The following CA10 variants were observed in gnomAD, a reference collection of about 807,000 sequenced individuals.
CA10 encodes the protein carbonic anhydrase 10 (inactive).
In CA10, 14 loss-of-function variants were observed where a neutral mutation model predicts 44.2. The observed-to-expected ratio is 0.32, with a 90% confidence interval of 0.21 to 0.50. The LOEUF is 0.50. Ranked by LOEUF, CA10 falls within the 20% of genes least tolerant of loss-of-function variation. The pLI is 0.99. For missense variants in CA10, 350 were observed against 409.7 expected, an observed-to-expected ratio of 0.85 and a Z score of 1.26; for synonymous variants, 159 against 141.6, an observed-to-expected ratio of 1.12 and a Z score of -0.87.
chr17:51,673,917 G>A (rs745729249), intron 4 of CA10, among the ~76,000 whole-genome samples: 1 of 152,182 alleles, frequency 6.6e-6, no homozygotes, highest in Non-Finnish European at 1.5e-5. Flanking sequence ...GGACCTGACT[G>A]TTTGCACATC....
rs557161683 is a variant in CA10, at chr17:52,026,468, G to A, written c.136+45851C>T. ...ACAGAGGCAGATGATGGGAGAAAAC[G>A]TCCTAGAGCAGCGGTTCCCAACTGT... On this transcript the variant is annotated intron_variant, in intron 2 of 8. Transcript: ENST00000451037. Among the ~76,000 whole-genome samples, 49 of 152,198 alleles carry A rather than the reference G, an allele frequency of 3.2e-4. 1 individual carries two copies. The highest frequency in any genetic ancestry group is 7.2e-4 in the Admixed American group (11 of 15,278).
chr17:51,932,827 GACT>G (rs1448828394), intron 2 of CA10, among the ~76,000 whole-genome samples: 3 of 152,030 alleles, frequency 2.0e-5, no homozygotes, highest in Non-Finnish European at 4.4e-5. Flanking sequence ...GTCCTAGCAA[GACT>G]ACAATATTTA....
chr17:52,033,715 C>G (rs1184118020), intron 2 of CA10, among the ~76,000 whole-genome samples: 1 of 152,138 alleles, frequency 6.6e-6, no homozygotes, highest in Non-Finnish European at 1.5e-5. Flanking sequence ...GGAAATAGTA[C>G]TACAAACTGT....
intron 1 of CA10, among the ~76,000 whole-genome samples, chr17:52,114,622 C>A (rs77274457): frequency 0.039 from 6,013 of 152,272 alleles, 319 homozygotes; most frequent in African/African-American, 0.12. Flanking sequence ...ACTTAACATG[C>A]CAGCTATAGA....
intron 4 of CA10, among the ~76,000 whole-genome samples, chr17:51,677,456 C>A (rs930609177): frequency 3.3e-5 from 5 of 152,082 alleles, no homozygotes; most frequent in Non-Finnish European, 7.4e-5. Context: ...TCCTGAGGCC[C>A]CCCCAGAAGC....
intron 3 of CA10, among the ~76,000 whole-genome samples, chr17:51,754,981 GTATAT>G (rs898218897): frequency 1.3e-5 from 2 of 151,672 alleles, no homozygotes; most frequent in Non-Finnish European, 2.9e-5. Context: ...ATACACATAT[GTATAT>G]TATATATGAT....
At chr17:51,816,321 T>C (rs190843926) in intron 3 of CA10, among the ~76,000 whole-genome samples, 4 of 152,244 alleles carry the variant, frequency 2.6e-5, no homozygotes, top group Non-Finnish European at 5.9e-5. Context: ...CATCTGCTGA[T>C]GGACACTTAG....
chr17:52,025,399 G>A (rs976439482), intron 2 of CA10, among the ~76,000 whole-genome samples: 2 of 152,052 alleles, frequency 1.3e-5, no homozygotes, highest in Non-Finnish European at 2.9e-5. Flanking sequence ...AGTTTTTATA[G>A]CTCAGAGTTT....
At chr17:51,907,020 C>G (rs1981584452) in intron 3 of CA10, among the ~76,000 whole-genome samples, 1 of 152,176 alleles carries the variant, frequency 6.6e-6, no homozygotes, top group African/African-American at 2.4e-5. Context: ...TTTCAATAAC[C>G]TGTACCAAGT....
intron 5 of CA10, 145 bp downstream of exon 5, chr17:51,653,496 C>G: frequency 1.7e-6 from 1 of 602,878 alleles, no homozygotes; most frequent in Non-Finnish European, 3.0e-6. Flanking sequence ...TCATAAATCT[C>G]ATGTATATAA....
chr17:52,025,539 G>A (rs1986273687), intron 2 of CA10, among the ~76,000 whole-genome samples: 2 of 151,938 alleles, frequency 1.3e-5, no homozygotes, highest in Admixed American at 6.6e-5. Flanking sequence ...CATTCACATA[G>A]GACTAGATGG....
intron 4 of CA10, among the ~76,000 whole-genome samples, chr17:51,718,828 C>T (rs945898266): frequency 3.9e-5 from 6 of 152,154 alleles, no homozygotes; most frequent in East Asian, 1.9e-4. Flanking sequence ...GGGAAGAAAT[C>T]CTCACGTGTT....
intron 2 of CA10, among the ~76,000 whole-genome samples, chr17:52,046,067 T>A (rs1396418715): frequency 6.6e-6 from 1 of 151,860 alleles, no homozygotes; most frequent in Non-Finnish European, 1.5e-5. Context: ...TTGTGGGATG[T>A]TGCTAATGTA....
intron 1 of CA10, among the ~76,000 whole-genome samples, chr17:52,104,434 G>T (rs1235611973): frequency 6.6e-6 from 1 of 152,012 alleles, no homozygotes; most frequent in Non-Finnish European, 1.5e-5. Context: ...GAATTCCTGA[G>T]CTCAAGCAAC....
intron 2 of CA10, among the ~76,000 whole-genome samples, chr17:51,944,045 C>T (rs560653341): frequency 6.6e-6 from 1 of 152,246 alleles, no homozygotes; most frequent in South Asian, 2.1e-4. Flanking sequence ...TGTTCTAATT[C>T]TTCGTCCACC....
intron 2 of CA10, among the ~76,000 whole-genome samples, chr17:52,011,741 A>G (rs1184614479): frequency 6.6e-6 from 1 of 152,084 alleles, no homozygotes; most frequent in African/African-American, 2.4e-5. Context: ...ACAGGAGATC[A>G]TGATACAAAC....
chr17:51,903,234 C>A (rs1981395164), intron 3 of CA10, among the ~76,000 whole-genome samples: 1 of 152,068 alleles, frequency 6.6e-6, no homozygotes, highest in African/African-American at 2.4e-5. Flanking sequence ...TTCTTTACAG[C>A]CCTCTACTAG....
At chr17:51,759,358 C>CTG (rs5820879) in intron 3 of CA10, among the ~76,000 whole-genome samples, 5,308 of 141,944 alleles carry the variant, frequency 0.037, 205 homozygotes, top group African/African-American at 0.1. Context: ...CTTCTTTGCT[C>CTG]TGTGTGTGTG....
intron 4 of CA10, among the ~76,000 whole-genome samples, chr17:51,687,181 C>T (rs1338407436): frequency 1.3e-5 from 2 of 152,172 alleles, no homozygotes; most frequent in Non-Finnish European, 2.9e-5. Flanking sequence ...ATCCACCAGG[C>T]TCATTCCCAT....
Sources: allele counts gnomAD v4.1 joint callset (sites outside exome capture counted in the v4.1 genomes callset), GRCh38; gene constraint gnomAD v4.1.1; transcripts MANE v1.5; gene names NCBI Gene and HGNC (gene_info 2026-07-23, HGNC 2026-07-21).